The following PLEKHG4B variants were observed in gnomAD, a reference collection of about 807,000 sequenced individuals.
The protein encoded by PLEKHG4B is pleckstrin homology domain-containing family G member 4B.
In PLEKHG4B, 111 loss-of-function variants were observed where a neutral mutation model predicts 121.3. That is an observed-to-expected ratio of 0.92 (90% CI 0.78 to 1.07). The LOEUF (loss-of-function observed/expected upper bound fraction) is 1.07. PLEKHG4B is among the 50% of genes least tolerant of loss of function. PLEKHG4B has a pLI of 0.00. For synonymous variants in PLEKHG4B, 738 were observed against 725.0 expected, an observed-to-expected ratio of 1.02 and a Z score of -0.29; for missense variants, 1,831 against 1,757.8, an observed-to-expected ratio of 1.04 and a Z score of -0.74.
chr5:151,431 A>G (rs888600365), intron 6 of PLEKHG4B, 82 bp from the exon 7 acceptor site: 4 of 854,566 alleles, frequency 4.7e-6, no homozygotes, highest in Admixed American at 5.1e-5. Flanking sequence ...CAGAAGTAGT[A>G]CCACTCAAAA....
chr5:175,414 A>G (rs139777550), intron 18 of PLEKHG4B, among the ~76,000 whole-genome samples: 1 of 151,792 alleles, frequency 6.6e-6, no homozygotes, highest in African/African-American at 2.4e-5. Flanking sequence ...CCCCCACCCC[A>G]GACCTTCTCC....
chr5:93,355 G>C (rs1354025464), intron 1 of PLEKHG4B, among the ~76,000 whole-genome samples: 5 of 152,034 alleles, frequency 3.3e-5, no homozygotes, highest in Non-Finnish European at 7.4e-5. Flanking sequence ...AAAATTCCAG[G>C]CTCTCTGGGT....
chr5:103,789 G>A (rs56315075), intron 1 of PLEKHG4B, among the ~76,000 whole-genome samples: 18,071 of 152,140 alleles, frequency 0.12, 2,531 homozygotes, highest in African/African-American at 0.34. Flanking sequence ...TTTGCCTACT[G>A]TGTTGTAGAC....
In PLEKHG4B at chr5:169,347, C is replaced by G. The variant is rs1353086707; in HGVS notation, c.3484C>G (p.Leu1162Val). 8 of 1,613,838 alleles carry G rather than the reference C, an allele frequency of 5.0e-6. No individual in the cohort carries two copies. The highest frequency in any genetic ancestry group is 6.8e-6 in the Non-Finnish European group (8 of 1,179,942). The change falls in exon 14 of 20, where the codon CTG becomes GTG. Residue 1162 changes from leucine to valine, a missense_variant. Transcript: ENST00000637938. ...DGRQQVGSSR[L>V]RHIMAEMIAT... Reference sequence around the variant, plus strand: ...GATCTCTGTGTCTTCCAGCAGCCGACTGAGGCACATCATGGCCGAGATGAT... The same window carrying G: ...GATCTCTGTGTCTTCCAGCAGCCGAGTGAGGCACATCATGGCCGAGATGAT...
Position 156,816 on chromosome 5 carries a change from G to T in PLEKHG4B, c.2392G>T (p.Glu798Ter), listed in dbSNP as rs1157092754. 3 of 1,585,332 alleles carry T rather than the reference G, an allele frequency of 1.9e-6. No individual in the cohort carries two copies. The South Asian group carries it at 3.5e-5, about 18-fold the overall frequency. ...AATSLYDRVD[E>*]EVHRLVLTSN... The stretch of plus-strand genomic sequence containing the variant: ...CACAAGCCTGTACGACCGAGTGGAT[G>T]AGGAGGTGCACAGGCTGGTCCTCAC... Residue 798 changes from glutamate to a stop codon, truncating the protein, a stop_gained, in exon 11 of 20, where the codon GAG becomes TAG. Transcript: ENST00000637938. LOFTEE classifies it high-confidence loss of function. The surrounding 1 kb of genome is among the most constrained non-coding windows in gnomAD (Gnocchi z 4.4).
chr5:130,980 G>A (rs1464708652), intron 2 of PLEKHG4B, among the ~76,000 whole-genome samples: 1 of 152,144 alleles, frequency 6.6e-6, no homozygotes, highest in Admixed American at 6.6e-5. Context: ...TTCTCTATTT[G>A]TTTCTTTTTC....
At chr5:122,602 G>A (rs113683949) in intron 2 of PLEKHG4B, among the ~76,000 whole-genome samples, 7,756 of 151,940 alleles carry the variant, frequency 0.051, 291 homozygotes, top group Middle Eastern at 0.11. Flanking sequence ...TGTATTTTTA[G>A]TAGAGATGGG....
chr5:160,426 C>T (rs985745037), intron 11 of PLEKHG4B, among the ~76,000 whole-genome samples: 22 of 152,368 alleles, frequency 1.4e-4, no homozygotes, highest in East Asian at 3.9e-4. Context: ...GCACTCCAGC[C>T]GCACCTGCCT....
At chr5:155,978 A>G (rs965167451) in intron 9 of PLEKHG4B, 93 bp from the exon 10 acceptor site, 71 of 1,281,726 alleles carry the variant, frequency 5.5e-5, no homozygotes, top group Non-Finnish European at 7.2e-5. Context: ...AGCTTGATTT[A>G]TGGAAACAGG....
chr5:181,863 T>G, intron 19 of PLEKHG4B, 141 bp from the exon 20 acceptor site: 1 of 1,272,594 alleles, frequency 7.9e-7, no homozygotes, highest in Non-Finnish European at 1.1e-6. Flanking sequence ...ACTGGGCCAG[T>G]GGCCGACATG....
At chr5:172,790 T>A in intron 16 of PLEKHG4B, 107 bp from the exon 17 acceptor site, 1 of 1,258,290 alleles carries the variant, frequency 7.9e-7, no homozygotes, top group East Asian at 2.3e-5. Context: ...GTTTGGCTGC[T>A]GTTCCGTCTT....
intron 1 of PLEKHG4B, among the ~76,000 whole-genome samples, chr5:101,241 A>G (rs1234298665): frequency 7.8e-6 from 1 of 128,260 alleles, no homozygotes; most frequent in Non-Finnish European, 1.6e-5. Context: ...AAGCCCTGGA[A>G]AAAGTCTGTA....
At chr5:153,634 T>C (rs1360507716) in intron 7 of PLEKHG4B, among the ~76,000 whole-genome samples, 3 of 152,254 alleles carry the variant, frequency 2.0e-5, no homozygotes, top group Non-Finnish European at 4.4e-5. Context: ...CCTCTGTTTC[T>C]TCTTTCTTCA....
In PLEKHG4B at chr5:171,029, C is replaced by G. The variant is rs765592484; in HGVS notation, c.3730-14C>G. The stretch of plus-strand genomic sequence containing the variant: ...GTCACTCCCACAGCCAAGCAGTCGC[C>G]TCTGCTTTTCCAGGAAGAGCAGTTT... On this transcript the variant is annotated splice_polypyrimidine_tract_variant and intron_variant, in intron 14 of 19. Transcript: ENST00000637938. The G allele has an allele frequency of 1.2e-6, 2 of 1,601,642 alleles. No individual in the cohort carries two copies. Among genetic ancestry groups the G allele is most frequent in the Non-Finnish European group, 1.7e-6 (2 of 1,172,600 alleles).
chr5:185,253 C>T lies in PLEKHG4B; in HGVS notation c.*2930C>T, dbSNP rs917159599. The T allele has an allele frequency of 2.0e-5, 3 of 152,198 alleles. No individual in the cohort carries two copies. The highest frequency in any genetic ancestry group is 6.5e-5 in the Admixed American group (1 of 15,286). 9.4% of individuals were successfully genotyped at this position (152,198 alleles called of 1,614,324 possible). A position where few individuals can be genotyped will look rare whatever the true frequency, so the allele number is the denominator to read the frequency against. On this transcript the variant is annotated 3_prime_UTR_variant, in exon 20 of 20. Coordinates refer to ENST00000637938, the MANE Select transcript of PLEKHG4B (RefSeq NM_052909.5). ...CAAACACAAGCAGGGCGCAGGACGC[C>T]GGCAAGCCACAGACAGGCCTGCTCT...
intron 13 of PLEKHG4B, among the ~76,000 whole-genome samples, chr5:164,679 CAGG>C (rs528349975): frequency 0.22 from 21,219 of 94,814 alleles, 5,945 homozygotes; most frequent in South Asian, 0.32. Flanking sequence ...AATACTCTGA[CAGG>C]GGGCGGAGCT....
rs1345839891 is a variant in PLEKHG4B at position 148,355 on chromosome 5, AAAT to A, written c.1906-3155_1906-3153del. Among the ~76,000 whole-genome samples the A allele has an allele frequency of 5.3e-5, 8 of 151,098 alleles. 1 individual carries two copies. The highest frequency in any genetic ancestry group is 7.4e-5 in the Non-Finnish European group (5 of 67,756). On this transcript the variant is annotated intron_variant, in intron 6 of 19. Coordinates refer to ENST00000637938, the MANE Select transcript of PLEKHG4B (RefSeq NM_052909.5). ...CCCTAACAGTTCCACAAAAAAAAAA[AAAT>A]AAATAAAAATAAGTTAATTCAGCAA...
rs755504840 is a variant in PLEKHG4B at position 182,329 on chromosome 5, G to C, written c.*6G>C. 5.7e-6 allele frequency: 9 copies of C among 1,586,680 alleles called. No homozygotes were observed. The highest frequency in any genetic ancestry group is 1.1e-5 in the South Asian group (1 of 88,654). ...GCCGCACACGCCAGGCCTGATGACT[G>C]TCAGGGTGGCAGTGCCCATCATGTG... On this transcript the variant is annotated 3_prime_UTR_variant, in exon 20 of 20. Coordinates refer to ENST00000637938, the MANE Select transcript of PLEKHG4B (RefSeq NM_052909.5).
intron 6 of PLEKHG4B, among the ~76,000 whole-genome samples, chr5:146,640 C>T: frequency 8.3e-6 from 1 of 120,984 alleles, no homozygotes; most frequent in Non-Finnish European, 1.8e-5. Context: ...CCTTCCTCTT[C>T]CCTAACTCTG....
Sources: gnomAD v4.1 joint callset for allele counts (sites outside exome capture counted in the v4.1 genomes callset) on GRCh38, gnomAD v4.1.1 for gene constraint, Gnocchi (gnomAD v3.1) non-coding constraint, MANE v1.5 for transcripts, NCBI Gene and HGNC (gene_info 2026-07-23, HGNC 2026-07-21) for gene names.